Variants in B3GALT1 observed in about 807,000 individuals in gnomAD.
The protein encoded by B3GALT1 is UDP-Gal:betaGlcNAc beta 1,3-galactosyltransferase, polypeptide 1.
A neutral mutation model predicts 23.2 loss-of-function variants in B3GALT1; 10 were observed. That is an observed-to-expected ratio of 0.43 (90% confidence interval 0.27 to 0.73). B3GALT1 has a LOEUF of 0.73. Ranked by LOEUF, B3GALT1 falls within the 30% of genes least tolerant of loss-of-function variation. The pLI, the probability that B3GALT1 is intolerant of heterozygous loss-of-function variation, is 0.21. For missense variants in B3GALT1, 299 were observed against 405.4 expected (o/e 0.74, Z 2.25); for synonymous variants, 156 against 141.5 (o/e 1.10, Z -0.73).
intron 3 of B3GALT1, among the ~76,000 whole-genome samples, chr2:167,753,745 T>A (rs998695280): frequency 6.6e-6 from 1 of 152,198 alleles, no homozygotes; most frequent in African/African-American, 2.4e-5. Context: ...TGCAGACCTT[T>A]CATTCACACT....
chr2:167,511,490 G>A (rs920372108), intron 2 of B3GALT1, among the ~76,000 whole-genome samples: 13 of 152,088 alleles, frequency 8.5e-5, no homozygotes, highest in East Asian at 7.7e-4. Flanking sequence ...GAGGCCTCCT[G>A]AGCCCTGTGG....
Position 167,433,881 on chromosome 2 carries a change from C to T in B3GALT1, c.-510-56296C>T, listed in dbSNP as rs142303487. 3.5e-3 allele frequency among the ~76,000 whole-genome samples: 530 copies of T among 152,062 alleles called. 5 individuals carry two copies. Among genetic ancestry groups the T allele is most frequent in the South Asian group, 7.1e-3 (34 of 4,810 alleles). On this transcript the variant is annotated intron_variant, in intron 1 of 4. Transcript: ENST00000392690. ...AGTTCAAGTTTACGGTGAGGTGTGA[C>T]CATGCCACTGCCCTCCAACCTGGGT...
chr2:167,603,992 A>G (rs534501680), intron 2 of B3GALT1, among the ~76,000 whole-genome samples: 2 of 152,312 alleles, frequency 1.3e-5, no homozygotes, highest in Admixed American at 6.5e-5. Flanking sequence ...AAACAACTCA[A>G]TGAGAAATGT....
intron 1 of B3GALT1, among the ~76,000 whole-genome samples, chr2:167,354,691 T>G (rs1455551420): frequency 6.6e-6 from 1 of 152,158 alleles, no homozygotes; most frequent in Non-Finnish European, 1.5e-5. Flanking sequence ...TTGCCACCAC[T>G]TAGGCAGCAA....
chr2:167,542,521 A>C (rs1468726112), intron 2 of B3GALT1, among the ~76,000 whole-genome samples: 1 of 152,170 alleles, frequency 6.6e-6, no homozygotes, highest in African/African-American at 2.4e-5. Flanking sequence ...ATTATGATTC[A>C]GGGGCTTTTG....
At position 167,510,098 on chromosome 2, in the gene B3GALT1, G is replaced by A. The variant is rs115011067; in HGVS notation, c.-410+19821G>A. ...AAAGCAGACTCACAATGAATTATAG[G>A]TCTTACCCAATATCAAATTTGCCAA... is the stretch of plus-strand genomic sequence containing the variant. On this transcript the variant is annotated intron_variant, in intron 2 of 4. Transcript: ENST00000392690. Among the ~76,000 whole-genome samples, 1,204 of 152,178 alleles carry A rather than the reference G, an allele frequency of 7.9e-3. 13 individuals are homozygous for A. The highest frequency in any genetic ancestry group is 0.027 in the African/African-American group (1,125 of 41,526).
At chr2:167,677,938 C>T (rs777725476) in intron 3 of B3GALT1, among the ~76,000 whole-genome samples, 4 of 152,234 alleles carry the variant, frequency 2.6e-5, no homozygotes, top group Non-Finnish European at 2.9e-5. Flanking sequence ...CTTGTGAGAA[C>T]GCATCCACTA....
At chr2:167,304,325 A>T (rs1377352805) in intron 1 of B3GALT1, among the ~76,000 whole-genome samples, 2 of 152,180 alleles carry the variant, frequency 1.3e-5, no homozygotes, top group African/African-American at 4.8e-5. Flanking sequence ...AAAATATTTG[A>T]AAGTATCATG....
chr2:167,326,190 G>GT (rs55746775), intron 1 of B3GALT1, among the ~76,000 whole-genome samples: 16,110 of 139,314 alleles, frequency 0.12, 1,096 homozygotes, highest in Middle Eastern at 0.23. Context: ...GTGATGTTGA[G>GT]TTTTTTTTTT....
chr2:167,738,668 T>C (rs1374635123), intron 3 of B3GALT1, among the ~76,000 whole-genome samples: 1 of 152,038 alleles, frequency 6.6e-6, no homozygotes, highest in African/African-American at 2.4e-5. Flanking sequence ...AGAGACAGGG[T>C]TACAATTCAA....
At chr2:167,698,384 A>G (rs974329529) in intron 3 of B3GALT1, among the ~76,000 whole-genome samples, 2 of 152,176 alleles carry the variant, frequency 1.3e-5, no homozygotes, top group East Asian at 1.9e-4. Flanking sequence ...CTATTTTGCA[A>G]TCTGTTAGTG....
intron 1 of B3GALT1, among the ~76,000 whole-genome samples, chr2:167,486,003 A>G (rs1046384540): frequency 8.5e-5 from 13 of 152,204 alleles, no homozygotes; most frequent in African/African-American, 3.1e-4. Flanking sequence ...ATTATCTAGA[A>G]TTCTGTACCA....
intron 3 of B3GALT1, among the ~76,000 whole-genome samples, chr2:167,763,610 G>A (rs995303186): frequency 1.4e-5 from 2 of 146,972 alleles, no homozygotes; most frequent in African/African-American, 5.0e-5. Flanking sequence ...AGAATCACTT[G>A]AGCCCAGGAG....
intron 3 of B3GALT1, among the ~76,000 whole-genome samples, chr2:167,809,548 A>G (rs1688833525): frequency 6.6e-6 from 1 of 152,070 alleles, no homozygotes; most frequent in African/African-American, 2.4e-5. Context: ...CTGGAGGTCT[A>G]CTCCAGACCC....
Position 167,439,137 on chromosome 2 carries a change from G to A in B3GALT1, c.-510-51040G>A, listed in dbSNP as rs150332287. 8.7e-3 allele frequency among the ~76,000 whole-genome samples: 1,326 copies of A among 152,174 alleles called. 19 individuals are homozygous for A. The highest frequency in any genetic ancestry group is 0.03 in the African/African-American group (1,262 of 41,526). Reference sequence around the variant, plus strand: ...TTTGTTTGTTATTCAAATCTTGTACGTCCTAAGTAGAGTTTGCCTTCTCAT... The same window carrying A: ...TTTGTTTGTTATTCAAATCTTGTACATCCTAAGTAGAGTTTGCCTTCTCAT... On this transcript the variant is annotated intron_variant, in intron 1 of 4. Transcript: ENST00000392690.
intron 3 of B3GALT1, among the ~76,000 whole-genome samples, chr2:167,717,442 C>A (rs1303482414): frequency 6.6e-6 from 1 of 151,924 alleles, no homozygotes; most frequent in Non-Finnish European, 1.5e-5. Flanking sequence ...CCTCCCCCTA[C>A]TATACATGTT....
At chr2:167,638,996 T>C (rs1685607845) in intron 2 of B3GALT1, among the ~76,000 whole-genome samples, 1 of 152,058 alleles carries the variant, frequency 6.6e-6, no homozygotes, top group Admixed American at 6.6e-5. Flanking sequence ...GGCCTGCCTA[T>C]GATGAGAGCA....
At chr2:167,774,491 TTTTTTG>T (rs1688126461) in intron 3 of B3GALT1, among the ~76,000 whole-genome samples, 10 of 80,956 alleles carry the variant, frequency 1.2e-4, no homozygotes, top group Admixed American at 1.7e-4. Context: ...TTTTGTTTTT[TTTTTTG>T]TTTTTTTTTT....
At chr2:167,361,111 G>T (rs1283766150) in intron 1 of B3GALT1, among the ~76,000 whole-genome samples, 1 of 151,700 alleles carries the variant, frequency 6.6e-6, no homozygotes, top group Non-Finnish European at 1.5e-5. Flanking sequence ...TTCATCCATT[G>T]ATGGACACTT....
Sources: gnomAD v4.1 joint callset for allele counts (sites outside exome capture counted in the v4.1 genomes callset) on GRCh38, gnomAD v4.1.1 for gene constraint, MANE v1.5 for transcripts, NCBI Gene and HGNC (gene_info 2026-07-23, HGNC 2026-07-21) for gene names.